PSD3: variants seen among roughly 807,000 people sequenced by gnomAD.
PSD3 encodes PH and SEC7 domain-containing protein 3.
In PSD3, 49 loss-of-function variants were observed where a neutral mutation model predicts 105.5. That is an observed-to-expected ratio of 0.46 (90% CI 0.37 to 0.59). The LOEUF is 0.59. Among genes scored for constraint, PSD3 ranks in the 20% least tolerant of loss-of-function variants. The pLI is 0.00. For missense variants in PSD3, 1,561 were observed against 1,263.8 expected, an observed-to-expected ratio of 1.24 and a Z score of -3.57; for synonymous variants, 557 against 457.8, an observed-to-expected ratio of 1.22 and a Z score of -2.77.
chr8:18,669,260 C>T (rs1799643837), intron 9 of PSD3, among the ~76,000 whole-genome samples: 1 of 152,182 alleles, frequency 6.6e-6, no homozygotes, highest in East Asian at 1.9e-4. Flanking sequence ...GTCTCCCGAT[C>T]CTTGGGGGAA....
At position 18,534,055 on chromosome 8, in the gene PSD3, T is replaced by A. The variant is rs1306585394; in HGVS notation, c.*1688A>T. Reference sequence around the variant, plus strand: ...GAAGGAAGTAAACGTTAATAAATAATTCTGTAAATAAATGCTAGTACATCA... The same window carrying A: ...GAAGGAAGTAAACGTTAATAAATAAATCTGTAAATAAATGCTAGTACATCA... On this transcript the variant is annotated 3_prime_UTR_variant, in exon 16 of 16. Transcript: ENST00000327040. 1 of 152,116 alleles carries A rather than the reference T, an allele frequency of 6.6e-6. No homozygotes were observed. 9.4% of individuals were successfully genotyped at this position (152,116 alleles called of 1,614,324 possible).
chr8:18,938,446 AC>A (rs1822302166), intron 1 of PSD3, among the ~76,000 whole-genome samples: 1 of 151,902 alleles, frequency 6.6e-6, no homozygotes, highest in Admixed American at 6.6e-5. Flanking sequence ...ACATGGCAAA[AC>A]CCCGTCTCTA....
At chr8:18,770,182 G>A (rs533217587) in intron 8 of PSD3, among the ~76,000 whole-genome samples, 4 of 152,228 alleles carry the variant, frequency 2.6e-5, no homozygotes, top group African/African-American at 4.8e-5. Context: ...GGGTATGAAC[G>A]GGTATGCTAT....
chr8:18,879,818 G>A (rs920048952), intron 2 of PSD3, among the ~76,000 whole-genome samples: 7 of 113,664 alleles, frequency 6.2e-5, no homozygotes, highest in African/African-American at 1.4e-4. Flanking sequence ...GACTGGTCTC[G>A]AACTCCTGGG....
chr8:18,863,657 G>A (rs1816619639), intron 4 of PSD3, among the ~76,000 whole-genome samples: 1 of 152,136 alleles, frequency 6.6e-6, no homozygotes, highest in Non-Finnish European at 1.5e-5. Context: ...AGTCCATCCA[G>A]ATTTATTCCA....
At chr8:18,668,244 C>G (rs538921052) in intron 9 of PSD3, among the ~76,000 whole-genome samples, 1 of 152,338 alleles carries the variant, frequency 6.6e-6, no homozygotes, top group Non-Finnish European at 1.5e-5. Context: ...GCTGTCACCT[C>G]TCACTGTGAT....
chr8:18,558,501 A>G (rs956986635), intron 14 of PSD3, among the ~76,000 whole-genome samples: 2 of 152,198 alleles, frequency 1.3e-5, no homozygotes, highest in Non-Finnish European at 2.9e-5. Flanking sequence ...AGTGTTATTC[A>G]TATATAAAGA....
chr8:19,083,038 C>A (rs1021311975), intron 1 of PSD3, among the ~76,000 whole-genome samples: 2 of 152,072 alleles, frequency 1.3e-5, no homozygotes, highest in African/African-American at 4.8e-5. Context: ...CGCAGTACCC[C>A]CTCTAAGCCC....
At chr8:18,618,645 G>C (rs138207643) in intron 11 of PSD3, among the ~76,000 whole-genome samples, 99 of 152,106 alleles carry the variant, frequency 6.5e-4, no homozygotes, top group African/African-American at 2.2e-3. Flanking sequence ...ACAGGTATTA[G>C]CCGTATTTGA....
chr8:18,946,627 C>G (rs377134853), intron 1 of PSD3, among the ~76,000 whole-genome samples: 7 of 150,634 alleles, frequency 4.6e-5, no homozygotes, highest in African/African-American at 1.7e-4. Context: ...TTTCCAGGCA[C>G]GGTGGCTCAC....
intron 9 of PSD3, among the ~76,000 whole-genome samples, chr8:18,686,631 C>G (rs942677682): frequency 2.6e-5 from 4 of 152,164 alleles, no homozygotes; most frequent in African/African-American, 7.2e-5. Flanking sequence ...ACCTCAGCAT[C>G]CAGGGGCCCT....
intron 12 of PSD3, among the ~76,000 whole-genome samples, chr8:18,585,024 T>C (rs1015329828): frequency 1.3e-5 from 2 of 152,102 alleles, no homozygotes; most frequent in Non-Finnish European, 2.9e-5. Context: ...GAATGAGGAA[T>C]GGGGTGATAT....
At chr8:19,035,786 A>C (rs1827922022) in intron 1 of PSD3, among the ~76,000 whole-genome samples, 1 of 151,564 alleles carries the variant, frequency 6.6e-6, no homozygotes. Flanking sequence ...ACTGGATTTC[A>C]CTCTTTTGCC....
intron 8 of PSD3, among the ~76,000 whole-genome samples, chr8:18,776,484 A>G (rs892441983): frequency 6.6e-6 from 1 of 151,650 alleles, no homozygotes; most frequent in Non-Finnish European, 1.5e-5. Flanking sequence ...CCTAGGTTCA[A>G]GTGATTCGTC....
intron 9 of PSD3, among the ~76,000 whole-genome samples, chr8:18,685,992 C>T (rs957199064): frequency 5.3e-5 from 8 of 152,108 alleles, no homozygotes; most frequent in Non-Finnish European, 1.2e-4. Context: ...TCCTGATGAA[C>T]TTTCTTTTCT....
At chr8:18,777,682 A>T (rs1808229240) in intron 8 of PSD3, among the ~76,000 whole-genome samples, 1 of 152,214 alleles carries the variant, frequency 6.6e-6, no homozygotes, top group Admixed American at 6.5e-5. Context: ...ATCATTTCAA[A>T]TCTTCCAGCT....
At chr8:19,041,879 G>C (rs919959642) in intron 1 of PSD3, among the ~76,000 whole-genome samples, 4 of 152,158 alleles carry the variant, frequency 2.6e-5, no homozygotes, top group African/African-American at 9.7e-5. Context: ...GCTTTACAGA[G>C]GGTTAAAAGA....
At chr8:18,901,499 TGTTCCTTTCTTCCTCCTTTC>T (rs1390401291) in intron 2 of PSD3, among the ~76,000 whole-genome samples, 1 of 152,254 alleles carries the variant, frequency 6.6e-6, no homozygotes, top group East Asian at 1.9e-4. Context: ...GTATATCCTT[TGTTCCTTTCTTCCTCCTTTC>T]GTTCCTTTCT....
intron 1 of PSD3, chr8:18,989,166 C>T (rs759434550): frequency 2.0e-5 from 3 of 152,182 alleles, no homozygotes; most frequent in Non-Finnish European, 2.9e-5. Context: ...GGCTGAGTCT[C>T]AATAACCAGT....
Sources: gnomAD v4.1 joint callset for allele counts (sites outside exome capture counted in the v4.1 genomes callset) on GRCh38, gnomAD v4.1.1 for gene constraint, MANE v1.5 for transcripts, NCBI Gene and HGNC (gene_info 2026-07-23, HGNC 2026-07-21) for gene names.